Variants in PAXIP1 observed in about 807,000 individuals in gnomAD.
The protein encoded by PAXIP1 is PAX-interacting protein 1.
Under a neutral mutation model 140.6 loss-of-function variants are expected in PAXIP1, and 19 were observed. The ratio of observed to expected loss-of-function variants is 0.14; its 90% confidence interval spans 0.09 to 0.20. The LOEUF is 0.20. Ranked by LOEUF, PAXIP1 falls within the 10% of genes least tolerant of loss-of-function variation. PAXIP1 has a pLI of 1.00. For missense variants in PAXIP1, 920 were observed against 1,208.6 expected, an observed-to-expected ratio of 0.76 and a Z score of 3.54; for synonymous variants, 442 against 444.6, an observed-to-expected ratio of 0.99 and a Z score of 0.07.
chr7:154,968,954 ACCGGGTGCTGCTGCTGCTGCTG>A lies in PAXIP1; in HGVS notation c.1225_1246del (p.Gln409PhefsTer9). 6.6e-7 allele frequency: 1 copy of A among 1,509,230 alleles called. No individual in the cohort carries two copies. Among genetic ancestry groups the A allele is most frequent in the South Asian group, 1.2e-5 (1 of 81,656 alleles). 93.5% of individuals were successfully genotyped at this position (1,509,230 alleles called of 1,614,324 possible). On this transcript the variant is annotated frameshift_variant, in exon 7 of 21. Coordinates refer to ENST00000404141, the MANE Select transcript of PAXIP1 (RefSeq NM_007349.4). LOFTEE classifies it high-confidence loss of function. ...TATCTGCTGGGGCTGAAGGTGTAAA[ACCGGGTGCTGCTGCTGCTGCTG>A]CTGGGCCTGCTGCTGCTGCTGTAGC...
Position 154,963,930 on chromosome 7 carries a change from C to A in PAXIP1, c.1894-164G>T. On this transcript the variant is annotated intron_variant, in intron 8 of 20. Coordinates refer to ENST00000404141, the MANE Select transcript of PAXIP1 (RefSeq NM_007349.4). This position sits in a 1 kb window ranked among gnomAD's most constrained non-coding sequence, Gnocchi z 4.1. ...CAGTTCTATTTACGGACTTTTCTAC[C>A]CAGCACCATACAATGAAAATGAACT... is the stretch of plus-strand genomic sequence containing the variant. The A allele has an allele frequency of 1.7e-6, 1 of 589,374 alleles. No homozygotes were observed. Among genetic ancestry groups the A allele is most frequent in the Non-Finnish European group, 3.1e-6 (1 of 325,806 alleles). The allele number at this position is 589,374 out of a possible 1,614,324, so 36.5% of individuals were successfully genotyped here. A position where few individuals can be genotyped will look rare whatever the true frequency, so the allele number is the denominator to read the frequency against.
intron 12 of PAXIP1, 41 bp downstream of exon 12, chr7:154,960,852 T>G (rs758696288): frequency 2.2e-6 from 3 of 1,386,800 alleles, no homozygotes; most frequent in Non-Finnish European, 2.9e-6. Context: ...TGCTAATGAT[T>G]TTATTTAAGT....
intron 4 of PAXIP1, among the ~76,000 whole-genome samples, chr7:154,990,176 C>T (rs772006460): frequency 5.9e-5 from 9 of 151,448 alleles, no homozygotes; most frequent in East Asian, 1.9e-4. Context: ...CAAGTAGCTG[C>T]GATTACAGGT....
At chr7:154,974,990 C>CAAAAAAAAAAA (rs59174178) in intron 6 of PAXIP1, among the ~76,000 whole-genome samples, 1 of 122,210 alleles carries the variant, frequency 8.2e-6, no homozygotes. Flanking sequence ...ACTAAAAATA[C>CAAAAAAAAAAA]AAAAAAAAAA....
intron 16 of PAXIP1, chr7:154,951,483 T>C (rs1356859580): frequency 6.6e-6 from 1 of 152,300 alleles, no homozygotes; most frequent in Middle Eastern, 3.4e-3. Flanking sequence ...AAATTGTCTA[T>C]TTTTAAAAAA....
chr7:154,964,121 T>C lies in PAXIP1; in HGVS notation c.1894-355A>G, dbSNP rs1396980878. On this transcript the variant is annotated intron_variant, in intron 8 of 20. Transcript: ENST00000404141. ...GATGTTTGGCAGTGTCCCCAACTTC[T>C]ACCCACCCTATGCCAGCAGCAGCCC... 3.8e-5 allele frequency: 7 copies of C among 182,068 alleles called. No homozygotes were observed. In the East Asian group the frequency reaches 1.0e-3, roughly 26 times the overall value. 11.3% of individuals were successfully genotyped at this position (182,068 alleles called of 1,614,324 possible).
intron 17 of PAXIP1, 195 bp from the exon 18 acceptor site, chr7:154,947,008 AT>A: frequency 2.0e-6 from 1 of 493,182 alleles, no homozygotes; most frequent in Non-Finnish European, 3.6e-6. Context: ...GAATGTAAGC[AT>A]TTTCACATGT....
Position 154,968,860 on chromosome 7 carries a change from T to C in PAXIP1, c.1341A>G (p.Pro447=). The C allele has an allele frequency of 8.5e-6, 7 of 822,906 alleles. No homozygotes were observed. The highest frequency in any genetic ancestry group is 1.2e-5 in the Non-Finnish European group (6 of 482,150). The allele number at this position is 822,906 out of a possible 1,614,324, so 51.0% of individuals were successfully genotyped here. A position where few individuals can be genotyped will look rare whatever the true frequency, so the allele number is the denominator to read the frequency against. ...GCTGCTGCTGCTGTTGCTGTGAAAATGGATGCGGCGGCTGCTGGGGGTAAG... is the reference window on the plus strand; with the variant it reads ...GCTGCTGCTGCTGTTGCTGTGAAAACGGATGCGGCGGCTGCTGGGGGTAAG... ...QQPYPQQPPH[P]FSQQQQQQQQ... Residue 447 remains proline, a synonymous_variant, in exon 7 of 21, where the codon CCA becomes CCG. Transcript: ENST00000404141.
At chr7:154,970,695 C>T (rs563089193) in intron 6 of PAXIP1, among the ~76,000 whole-genome samples, 29 of 152,314 alleles carry the variant, frequency 1.9e-4, no homozygotes, top group Admixed American at 3.3e-4. Context: ...GAAGCATGCA[C>T]GTGTGGGGCA....
Position 154,951,993 on chromosome 7 carries a change from T to TA in PAXIP1, c.2821+2261dup, listed in dbSNP as rs1254530567. 5.3e-5 allele frequency: 8 copies of TA among 152,212 alleles called. No individual in the cohort carries two copies. In the East Asian group the frequency reaches 1.5e-3, roughly 29 times the overall value. The allele number at this position is 152,212 out of a possible 1,614,324, so 9.4% of individuals were successfully genotyped here. On this transcript the variant is annotated intron_variant, in intron 16 of 20. Transcript: ENST00000404141. ...ACAGCAGAAGCTAAAAAAGTACACT[T>TA]ACTATTTCTATTAACGAATAGACTA...
rs776949905 is a variant in PAXIP1, at chr7:154,973,060, G to A, written c.1074+2636C>T. 1.3e-5 allele frequency among the ~76,000 whole-genome samples: 2 copies of A among 152,210 alleles called. No homozygotes were observed. Among genetic ancestry groups the A allele is most frequent in the African/African-American group, 2.4e-5 (1 of 41,448 alleles). On this transcript the variant is annotated intron_variant, in intron 6 of 20. Coordinates refer to ENST00000404141, the MANE Select transcript of PAXIP1 (RefSeq NM_007349.4). This position sits in a 1 kb window ranked among gnomAD's most constrained non-coding sequence, Gnocchi z 4.0. ...AGGGCCGGCACCCTCAGCATTGGGC[G>A]GTGCTGGAGCTGGCTCCTTCTGTGC...
At position 154,968,389 on chromosome 7, in the gene PAXIP1, T is replaced by A. The variant is rs1029580211; in HGVS notation, c.1798+14A>T. On this transcript the variant is annotated intron_variant, in intron 7 of 20. Coordinates refer to ENST00000404141, the MANE Select transcript of PAXIP1 (RefSeq NM_007349.4). The stretch of plus-strand genomic sequence containing the variant: ...GACTTTTAGGAGAGAGGAAAAATAA[T>A]CTCCATTACTAACTCTCCACTGCTG... 23 of 1,519,200 alleles carry A rather than the reference T, an allele frequency of 1.5e-5. No individual in the cohort carries two copies. The highest frequency in any genetic ancestry group is 1.7e-5 in the Non-Finnish European group (19 of 1,127,520). 94.1% of individuals were successfully genotyped at this position (1,519,200 alleles called of 1,614,324 possible). A position where few individuals can be genotyped will look rare whatever the true frequency, so the allele number is the denominator to read the frequency against.
In PAXIP1 at chr7:154,973,094, T is replaced by C. The variant is rs760096342; in HGVS notation, c.1074+2602A>G. 6.6e-6 allele frequency among the ~76,000 whole-genome samples: 1 copy of C among 152,100 alleles called. No individual in the cohort carries two copies. Among genetic ancestry groups the C allele is most frequent in the Non-Finnish European group, 1.5e-5 (1 of 68,008 alleles). On this transcript the variant is annotated intron_variant, in intron 6 of 20. Coordinates refer to ENST00000404141, the MANE Select transcript of PAXIP1 (RefSeq NM_007349.4). The surrounding 1 kb of genome is among the most constrained non-coding windows in gnomAD (Gnocchi z 4.0). ...GCTGGCTCCTTCTGTGCATCTACCT[T>C]TTCCCTAAACTCGGCTGACCCCAGC...
In PAXIP1 at chr7:154,971,001, C is replaced by A. The variant is rs115645114; in HGVS notation, c.1075-1875G>T. Reference sequence around the variant, plus strand: ...AAATGCTGCTCCCCGCCTCTCTGTACCTGCCAAGCCCAGGTGGAAGGGAGC... The same window carrying A: ...AAATGCTGCTCCCCGCCTCTCTGTAACTGCCAAGCCCAGGTGGAAGGGAGC... On this transcript the variant is annotated intron_variant, in intron 6 of 20. Transcript: ENST00000404141. Among the ~76,000 whole-genome samples, 1,432 of 152,324 alleles carry A rather than the reference C, an allele frequency of 9.4e-3. 25 individuals are homozygous for A. The highest frequency in any genetic ancestry group is 0.031 in the African/African-American group (1,292 of 41,568).
At chr7:154,967,561 T>A in intron 8 of PAXIP1, 1 of 447,400 alleles carries the variant, frequency 2.2e-6, no homozygotes, top group South Asian at 3.0e-5. Flanking sequence ...ATTATACACA[T>A]ATAATTAGTG....
At chr7:154,991,140 C>G (rs1417592382) in intron 3 of PAXIP1, 71 bp from the exon 4 acceptor site, 41 of 717,570 alleles carry the variant, frequency 5.7e-5, no homozygotes. Context: ...CAGACATTAC[C>G]CACCCACTCC....
intron 16 of PAXIP1, chr7:154,951,397 GC>G (rs1293179861): frequency 6.6e-6 from 1 of 152,346 alleles, no homozygotes; most frequent in African/African-American, 2.4e-5. Flanking sequence ...CGGTGTGTGT[GC>G]ATGGGTATGG....
Position 154,986,566 on chromosome 7 carries a change from G to A in PAXIP1, c.325-3234C>T, listed in dbSNP as rs947481437. 3.3e-5 allele frequency among the ~76,000 whole-genome samples: 5 copies of A among 152,158 alleles called. No individual in the cohort carries two copies. Among genetic ancestry groups the A allele is most frequent in the African/African-American group, 1.2e-4 (5 of 41,440 alleles). On this transcript the variant is annotated intron_variant, in intron 4 of 20. Transcript: ENST00000404141. The surrounding 1 kb of genome is among the most constrained non-coding windows in gnomAD (Gnocchi z 4.8). ...GACCAAAGTCCCTTAGCTGCACACT[G>A]TACATATGTTGTTAATGTATCTTAC...
intron 3 of PAXIP1, among the ~76,000 whole-genome samples, chr7:154,993,206 G>C (rs1810427180): frequency 6.6e-6 from 1 of 152,162 alleles, no homozygotes; most frequent in South Asian, 2.1e-4. Flanking sequence ...AATGCTCCAT[G>C]AACGAACAAT....
Sources: allele counts gnomAD v4.1 joint callset (sites outside exome capture counted in the v4.1 genomes callset), GRCh38; gene constraint gnomAD v4.1.1; non-coding constraint Gnocchi (gnomAD v3.1); transcripts MANE v1.5; gene names NCBI Gene and HGNC (gene_info 2026-07-23, HGNC 2026-07-21).